GPHN: variants seen among roughly 807,000 people sequenced by gnomAD.
The protein encoded by GPHN is gephyrin.
In GPHN, 17 loss-of-function variants were observed where a neutral mutation model predicts 95.5. The ratio of observed to expected loss-of-function variants is 0.18; its 90% confidence interval spans 0.12 to 0.27. GPHN has a LOEUF of 0.27. GPHN is among the 10% of genes least tolerant of loss of function. The probability of loss-of-function intolerance (pLI) is 1.00; values close to 1 mark genes in which losing one functional copy is unlikely to be tolerated. For synonymous variants in GPHN, 320 were observed against 322.5 expected (o/e 0.99, Z 0.08); for missense variants, 660 against 978.1 (o/e 0.67, Z 4.34).
intron 12 of GPHN, among the ~76,000 whole-genome samples, chr14:67,090,832 G>A (rs969965254): frequency 1.3e-5 from 2 of 151,736 alleles, no homozygotes; most frequent in African/African-American, 4.8e-5. Flanking sequence ...AAATTTTTTA[G>A]CTTCAGTTTT....
intron 12 of GPHN, among the ~76,000 whole-genome samples, chr14:67,093,923 G>A (rs1003973978): frequency 6.6e-6 from 1 of 152,000 alleles, no homozygotes; most frequent in Non-Finnish European, 1.5e-5. Flanking sequence ...CCTTCTTGCA[G>A]TCTCAGACAG....
At chr14:67,592,635 C>A in the GPHN span, 1 of 1,578,388 alleles carries the variant, frequency 6.3e-7, no homozygotes, top group Non-Finnish European at 8.7e-7. Context: ...CTATGCTCAC[C>A]TGGAAGACGG....
intron 4 of GPHN, among the ~76,000 whole-genome samples, chr14:66,866,064 A>T (rs1430531906): frequency 6.6e-6 from 1 of 152,118 alleles, no homozygotes; most frequent in South Asian, 2.1e-4. Context: ...AGTAGATACA[A>T]CCAGTTTCTT....
At chr14:66,741,589 A>G (rs1447993131) in intron 2 of GPHN, among the ~76,000 whole-genome samples, 3 of 152,248 alleles carry the variant, frequency 2.0e-5, no homozygotes, top group African/African-American at 7.2e-5. Flanking sequence ...TCACTATGAA[A>G]TGATGGTTGG....
the GPHN span, among the ~76,000 whole-genome samples, chr14:67,519,969 C>G: frequency 6.6e-6 from 1 of 152,022 alleles, no homozygotes; most frequent in Non-Finnish European, 1.5e-5. Flanking sequence ...GTGGTCCTCC[C>G]ACCTCGGCCC....
intron 10 of GPHN, among the ~76,000 whole-genome samples, chr14:67,046,393 A>G (rs987912211): frequency 6.6e-6 from 1 of 152,218 alleles, no homozygotes; most frequent in African/African-American, 2.4e-5. Context: ...GCAGAAAACT[A>G]TGAAATAGTA....
At chr14:66,580,648 A>G (rs1261149788) in intron 1 of GPHN, among the ~76,000 whole-genome samples, 1 of 151,844 alleles carries the variant, frequency 6.6e-6, no homozygotes, top group African/African-American at 2.4e-5. Context: ...AAATCTGTAT[A>G]AACTACTAAT....
chr14:66,639,121 A>AATATATATATATATATATATATATATAT (rs4058479), intron 1 of GPHN, among the ~76,000 whole-genome samples: 118 of 146,018 alleles, frequency 8.1e-4, no homozygotes, highest in Non-Finnish European at 1.1e-3. Flanking sequence ...ACTGAAGGTA[A>AATATATATATATATATATATATATATAT]ATATATATAT....
intron 2 of GPHN, among the ~76,000 whole-genome samples, chr14:66,692,588 A>T (rs532350667): frequency 6.6e-6 from 1 of 152,194 alleles, no homozygotes; most frequent in South Asian, 2.1e-4. Flanking sequence ...AGTGGGGAAC[A>T]CAGATGTCTA....
At chr14:66,670,319 T>C (rs1293285063) in intron 1 of GPHN, among the ~76,000 whole-genome samples, 4 of 152,210 alleles carry the variant, frequency 2.6e-5, no homozygotes, top group Non-Finnish European at 5.9e-5. Flanking sequence ...CATGTAGAAC[T>C]TGAGTTTTAA....
intron 10 of GPHN, among the ~76,000 whole-genome samples, chr14:67,031,000 TTTTGTTTGTTTGTTTG>T (rs61031989): frequency 6.0e-5 from 9 of 150,240 alleles, no homozygotes; most frequent in East Asian, 4.0e-4. Context: ...ATACTGGGGG[TTTTGTTTGTTTGTTTG>T]TTTGTTTGTT....
At chr14:66,963,818 G>C (rs1174183521) in intron 8 of GPHN, among the ~76,000 whole-genome samples, 2 of 152,078 alleles carry the variant, frequency 1.3e-5, no homozygotes, top group Admixed American at 6.6e-5. Context: ...AAGGATGTTG[G>C]TATAGAAACT....
the GPHN span, chr14:67,692,433 C>T: frequency 6.2e-7 from 1 of 1,614,126 alleles, no homozygotes; most frequent in Admixed American, 1.7e-5. Flanking sequence ...TAGTTCTACA[C>T]TTACCAGCTA....
intron 18 of GPHN, among the ~76,000 whole-genome samples, chr14:67,150,165 G>A (rs1019278336): frequency 2.6e-5 from 4 of 152,062 alleles, no homozygotes; most frequent in South Asian, 2.1e-4. Context: ...AAGGTTGGCC[G>A]GGCGCGGTGG....
chr14:67,675,604 A>T, the GPHN span, among the ~76,000 whole-genome samples: 1 of 152,180 alleles, frequency 6.6e-6, no homozygotes, highest in Non-Finnish European at 1.5e-5. Context: ...TGCCTCGTGC[A>T]CTTGTTGACA....
chr14:66,652,114 C>A (rs1021944182), intron 1 of GPHN, among the ~76,000 whole-genome samples: 6 of 151,998 alleles, frequency 3.9e-5, no homozygotes, highest in African/African-American at 1.4e-4. Flanking sequence ...AAGATTGAGT[C>A]TTTCAGAATA....
the GPHN span, among the ~76,000 whole-genome samples, chr14:67,604,932 A>G: frequency 6.6e-6 from 1 of 152,024 alleles, no homozygotes; most frequent in Non-Finnish European, 1.5e-5. Context: ...TTCTCGGTCT[A>G]TTTCCACACT....
At chr14:67,278,644 A>G in the GPHN span, among the ~76,000 whole-genome samples, 7 of 152,250 alleles carry the variant, frequency 4.6e-5, no homozygotes, top group African/African-American at 1.7e-4. Flanking sequence ...CATAAAGTAC[A>G]GTGTTGAGAC....
chr14:66,722,630 G>C (rs1294695463), intron 2 of GPHN, among the ~76,000 whole-genome samples: 1 of 151,988 alleles, frequency 6.6e-6, no homozygotes, highest in Non-Finnish European at 1.5e-5. Context: ...TTTTTGTGGA[G>C]ATGGGGTCTC....
Sources: allele counts gnomAD v4.1 joint callset (sites outside exome capture counted in the v4.1 genomes callset), GRCh38; gene constraint gnomAD v4.1.1; transcripts MANE v1.5; gene names NCBI Gene and HGNC (gene_info 2026-07-23, HGNC 2026-07-21).